Variants in KCNN2 observed in about 807,000 individuals in gnomAD.
KCNN2 encodes the protein small conductance calcium-activated potassium channel protein 2.
A neutral mutation model predicts 55.5 loss-of-function variants in KCNN2; 24 were observed. The ratio of observed to expected loss-of-function variants is 0.43; its 90% CI spans 0.31 to 0.61. The LOEUF is 0.61. KCNN2 is among the 20% of genes least tolerant of loss of function. The pLI is 0.08. For missense variants in KCNN2, 754 were observed against 853.6 expected (o/e 0.88, Z 1.45); for synonymous variants, 431 against 336.1 (o/e 1.28, Z -3.09).
At chr5:114,142,364 C>G (rs1333046545) in intron 1 of KCNN2, among the ~76,000 whole-genome samples, 2 of 152,118 alleles carry the variant, frequency 1.3e-5, no homozygotes, top group Non-Finnish European at 2.9e-5. Context: ...AGCCAGTTTT[C>G]CCAGCACCAT....
Position 114,473,576 on chromosome 5 carries a change from G to T in KCNN2, c.1890+412G>T, listed in dbSNP as rs556086093. On this transcript the variant is annotated intron_variant, in intron 5 of 7. Transcript: ENST00000673685. The stretch of plus-strand genomic sequence containing the variant: ...TCAAGACAGGGTTGCAAAGACAAAA[G>T]AAACCACCACTAACTTTTAGAAGCC... Among the ~76,000 whole-genome samples the T allele has an allele frequency of 1.3e-4, 20 of 152,194 alleles. No individual in the cohort carries two copies. The East Asian group carries it at 3.3e-3, about 25-fold the overall frequency.
At chr5:114,273,115 G>A (rs1755400624) in intron 2 of KCNN2, among the ~76,000 whole-genome samples, 1 of 152,156 alleles carries the variant, frequency 6.6e-6, no homozygotes, top group Non-Finnish European at 1.5e-5. Flanking sequence ...TTATGAGTGA[G>A]AACACATGGT....
upstream of KCNN2, among the ~76,000 whole-genome samples, chr5:114,359,991 T>G (rs1026965396): frequency 2.0e-5 from 3 of 152,222 alleles, no homozygotes; most frequent in African/African-American, 4.8e-5. Flanking sequence ...AGCTTCGTGA[T>G]TCTAAAGAAG....
intron 1 of KCNN2, 40 bp downstream of exon 1, chr5:114,363,301 C>T (rs1757502097): frequency 6.5e-7 from 1 of 1,530,334 alleles, no homozygotes; most frequent in Non-Finnish European, 8.8e-7. Flanking sequence ...CGGAGTCGGG[C>T]ACTGGGTGGT....
chr5:114,164,869 C>G (rs1191107527), intron 1 of KCNN2, among the ~76,000 whole-genome samples: 1 of 152,132 alleles, frequency 6.6e-6, no homozygotes, highest in Non-Finnish European at 1.5e-5. Flanking sequence ...TATTACTAAT[C>G]GTAGTTAGCA....
intron 1 of KCNN2, among the ~76,000 whole-genome samples, chr5:114,167,357 C>T (rs1752934754): frequency 6.6e-6 from 1 of 151,950 alleles, no homozygotes; most frequent in South Asian, 2.1e-4. Context: ...ACTGAAATAC[C>T]TTCTCAATTG....
intron 2 of KCNN2, among the ~76,000 whole-genome samples, chr5:114,315,881 A>T (rs1224159545): frequency 6.6e-6 from 1 of 152,166 alleles, no homozygotes; most frequent in Admixed American, 6.6e-5. Context: ...CAAATCCTAG[A>T]AGCAGAGTTA....
chr5:114,372,687 C>A (rs924879385), intron 2 of KCNN2, among the ~76,000 whole-genome samples: 2 of 151,920 alleles, frequency 1.3e-5, no homozygotes, highest in African/African-American at 4.8e-5. Flanking sequence ...ATCTTACCAC[C>A]CAGTGATGAC....
intron 2 of KCNN2, among the ~76,000 whole-genome samples, 191 bp downstream of exon 2, chr5:114,364,192 A>G (rs1052091084): frequency 6.6e-6 from 1 of 152,234 alleles, no homozygotes; most frequent in African/African-American, 2.4e-5. Context: ...GCAGGGTAGC[A>G]TATAAACATG....
chr5:114,369,247 C>A lies in KCNN2; in HGVS notation c.1218+5246C>A, dbSNP rs548748835. Among the ~76,000 whole-genome samples the A allele has an allele frequency of 8.1e-4, 123 of 152,266 alleles. 1 individual carries two copies. Among genetic ancestry groups the A allele is most frequent in the Admixed American group, 1.8e-3 (28 of 15,280 alleles). ...ATCTAAAAAGTTTACCATTTTCTTG[C>A]AAAACATTTTTTGGTGACAAATTGT... On this transcript the variant is annotated intron_variant, in intron 2 of 7. Coordinates refer to ENST00000673685, the MANE Select transcript of KCNN2 (RefSeq NM_021614.4).
chr5:114,494,367 C>T (rs749514485), intron 7 of KCNN2, among the ~76,000 whole-genome samples: 40 of 149,638 alleles, frequency 2.7e-4, no homozygotes, highest in Non-Finnish European at 4.0e-4. Flanking sequence ...ATCTAAATTA[C>T]ATTCATTTTA....
At chr5:114,354,060 T>C (rs965277436) in intron 2 of KCNN2, among the ~76,000 whole-genome samples, 11 of 152,120 alleles carry the variant, frequency 7.2e-5, no homozygotes, top group South Asian at 6.2e-4. Context: ...TCTTGGTGCA[T>C]GTAGTGGTGT....
intron 1 of KCNN2, among the ~76,000 whole-genome samples, chr5:114,166,968 C>G (rs1752925780): frequency 1.3e-5 from 2 of 152,156 alleles, no homozygotes; most frequent in African/African-American, 2.4e-5. Context: ...GACAGCGGAT[C>G]TGCCAGCAGC....
intron 2 of KCNN2, among the ~76,000 whole-genome samples, chr5:114,356,106 A>C (rs1405511073): frequency 6.6e-6 from 1 of 152,158 alleles, no homozygotes; most frequent in Non-Finnish European, 1.5e-5. Context: ...AAGAGCTAGC[A>C]GAGTGTAAAA....
intron 2 of KCNN2, among the ~76,000 whole-genome samples, chr5:114,283,271 G>A (rs1168863210): frequency 1.3e-5 from 2 of 151,960 alleles, no homozygotes; most frequent in Admixed American, 1.3e-4. Flanking sequence ...TTCCACATGG[G>A]TTCTTCTGAT....
intron 2 of KCNN2, among the ~76,000 whole-genome samples, chr5:114,396,072 G>GC (rs1248788520): frequency 1.3e-5 from 2 of 152,098 alleles, no homozygotes; most frequent in Non-Finnish European, 2.9e-5. Flanking sequence ...CCTCCCTCCA[G>GC]CCCTTGGCCC....
At chr5:114,216,780 C>G (rs1450048703) in intron 1 of KCNN2, among the ~76,000 whole-genome samples, 1 of 151,980 alleles carries the variant, frequency 6.6e-6, no homozygotes, top group Non-Finnish European at 1.5e-5. Flanking sequence ...TGCAATAAGA[C>G]AAGAAAGGCA....
chr5:114,333,341 C>T (rs149655246), intron 2 of KCNN2, among the ~76,000 whole-genome samples: 206 of 152,224 alleles, frequency 1.4e-3, no homozygotes, highest in African/African-American at 4.8e-3. Flanking sequence ...TTATATCTGA[C>T]TTATGTTCTG....
At chr5:114,301,107 G>A (rs1025172166) in intron 2 of KCNN2, among the ~76,000 whole-genome samples, 8 of 150,584 alleles carry the variant, frequency 5.3e-5, no homozygotes, top group African/African-American at 2.0e-4. Context: ...CTGTTCTTGA[G>A]AGTCCTTACA....
Sources: gnomAD v4.1 joint callset for allele counts (sites outside exome capture counted in the v4.1 genomes callset) on GRCh38, gnomAD v4.1.1 for gene constraint, MANE v1.5 for transcripts, NCBI Gene and HGNC (gene_info 2026-07-23, HGNC 2026-07-21) for gene names.